Variants in GALNT13 observed in about 807,000 individuals in gnomAD.
GALNT13 encodes polypeptide N-acetylgalactosaminyltransferase 13.
Under a neutral mutation model 64.2 loss-of-function variants are expected in GALNT13, and 28 were observed. The ratio of observed to expected loss-of-function variants is 0.44; its 90% CI spans 0.32 to 0.60. The LOEUF (loss-of-function observed/expected upper bound fraction) is 0.60. Ranked by LOEUF, GALNT13 falls within the 20% of genes least tolerant of loss-of-function variation. The pLI is 0.05. For missense variants in GALNT13, 577 were observed against 669.8 expected (o/e 0.86, Z 1.53); for synonymous variants, 214 against 224.6 (o/e 0.95, Z 0.42).
chr2:153,696,932 G>A, the GALNT13 span, among the ~76,000 whole-genome samples: 1 of 152,106 alleles, frequency 6.6e-6, no homozygotes, highest in Non-Finnish European at 1.5e-5. Context: ...GCCACATTTT[G>A]CCAAGAAAAT....
chr2:154,396,041 G>A lies in GALNT13; in HGVS notation c.1207G>A (p.Glu403Lys), dbSNP rs187096566. The change falls in exon 10 of 13, where the codon GAA becomes AAA. Residue 403 changes from glutamate to lysine, a missense_variant. Glu to Lys is a moderately conservative substitution (Grantham distance 56, BLOSUM62 1). This residue lies in a region of GALNT13 where 232 missense variants were observed against 270.6 expected (regional missense o/e 0.86). Coordinates refer to ENST00000392825, the MANE Select transcript of GALNT13 (RefSeq NM_052917.4). ...GDVSVRKTLR[E>K]NLKCKPFSWY... ...TGTGTCAGTCAGAAAAACACTAAGA[G>A]AAAATCTGAAGTGTAAGCCCTTTTC... 4.3e-6 allele frequency: 7 copies of A among 1,610,828 alleles called. No homozygotes were observed. The Admixed American group carries it at 6.7e-5, about 15-fold the overall frequency.
the GALNT13 span, among the ~76,000 whole-genome samples, chr2:153,235,235 G>T: frequency 6.6e-6 from 1 of 152,100 alleles, no homozygotes; most frequent in Non-Finnish European, 1.5e-5. Context: ...TGTCCTCTAA[G>T]TATACTCAGT....
chr2:154,218,536 C>A (rs191767845), intron 4 of GALNT13, among the ~76,000 whole-genome samples: 1 of 152,032 alleles, frequency 6.6e-6, no homozygotes, highest in Non-Finnish European at 1.5e-5. Flanking sequence ...ATTACTCTAC[C>A]CACTGTAATC....
At chr2:154,005,884 TA>T (rs904844133) in intron 3 of GALNT13, among the ~76,000 whole-genome samples, 5 of 152,190 alleles carry the variant, frequency 3.3e-5, no homozygotes, top group African/African-American at 1.2e-4. Context: ...TTGGGTGCTT[TA>T]GAATTTTCCT....
At chr2:154,181,070 T>C (rs1685933749) in intron 4 of GALNT13, among the ~76,000 whole-genome samples, 1 of 152,204 alleles carries the variant, frequency 6.6e-6, no homozygotes, top group Non-Finnish European at 1.5e-5. Flanking sequence ...GGCCAACTGA[T>C]AGACTTGAAT....
At chr2:153,302,721 G>T in the GALNT13 span, among the ~76,000 whole-genome samples, 1 of 152,080 alleles carries the variant, frequency 6.6e-6, no homozygotes, top group Non-Finnish European at 1.5e-5. Flanking sequence ...ATTTTGAGTT[G>T]ATTTTTTTGT....
the GALNT13 span, among the ~76,000 whole-genome samples, chr2:153,634,271 T>C: frequency 6.6e-6 from 1 of 152,170 alleles, no homozygotes; most frequent in African/African-American, 2.4e-5. Flanking sequence ...ACTCTTACCT[T>C]TTATGTAACC....
chr2:153,399,419 T>C, the GALNT13 span, among the ~76,000 whole-genome samples: 9 of 152,176 alleles, frequency 5.9e-5, no homozygotes, highest in African/African-American at 2.2e-4. Flanking sequence ...TCTTTTTTAG[T>C]TCCATATGAA....
the GALNT13 span, among the ~76,000 whole-genome samples, chr2:153,846,177 A>G: frequency 3.3e-5 from 5 of 152,176 alleles, no homozygotes; most frequent in African/African-American, 9.6e-5. Context: ...AATACACGGA[A>G]AGGATAAATA....
At chr2:153,644,023 G>A in the GALNT13 span, among the ~76,000 whole-genome samples, 2 of 151,696 alleles carry the variant, frequency 1.3e-5, no homozygotes, top group African/African-American at 4.8e-5. Flanking sequence ...TAACTATCAC[G>A]ATTTCTTTTC....
chr2:153,434,536 A>T, the GALNT13 span, among the ~76,000 whole-genome samples: 5 of 152,136 alleles, frequency 3.3e-5, no homozygotes, highest in Non-Finnish European at 5.9e-5. Flanking sequence ...CTGGTGTGAG[A>T]TGGTATCTCA....
the GALNT13 span, among the ~76,000 whole-genome samples, chr2:153,529,218 GA>G: frequency 4.6e-5 from 7 of 151,902 alleles, no homozygotes; most frequent in Non-Finnish European, 1.0e-4. Flanking sequence ...AATCAGAGAT[GA>G]AAAAAGAGAC....
the GALNT13 span, among the ~76,000 whole-genome samples, chr2:153,677,284 T>TACATACAC: frequency 2.7e-3 from 390 of 144,750 alleles, 2 homozygotes; most frequent in East Asian, 7.8e-3. Context: ...ACAATAGACA[T>TACATACAC]ACACACACAC....
chr2:154,430,437 G>A (rs1018919485), intron 11 of GALNT13, among the ~76,000 whole-genome samples: 2 of 152,110 alleles, frequency 1.3e-5, no homozygotes, highest in Non-Finnish European at 2.9e-5. Context: ...AGTGGAGCCC[G>A]AAGACGTCAT....
chr2:154,314,585 C>T (rs1457384972), intron 9 of GALNT13, among the ~76,000 whole-genome samples: 1 of 152,132 alleles, frequency 6.6e-6, no homozygotes, highest in Non-Finnish European at 1.5e-5. Flanking sequence ...GGGGCTCAGG[C>T]TGCTTCCACT....
chr2:153,542,280 A>G, the GALNT13 span, among the ~76,000 whole-genome samples: 3 of 151,638 alleles, frequency 2.0e-5, no homozygotes, highest in Non-Finnish European at 4.4e-5. Flanking sequence ...AGATCATGCC[A>G]TTGCACTCCA....
chr2:153,756,241 T>C, the GALNT13 span, among the ~76,000 whole-genome samples: 1 of 152,110 alleles, frequency 6.6e-6, no homozygotes, highest in Non-Finnish European at 1.5e-5. Context: ...TAATATCTTT[T>C]GTGGAAAAGT....
chr2:154,409,583 G>C, intron 11 of GALNT13, among the ~76,000 whole-genome samples: 1 of 151,966 alleles, frequency 6.6e-6, no homozygotes, highest in East Asian at 1.9e-4. Flanking sequence ...AAGAGTTCTT[G>C]TGCTCTTCTT....
the GALNT13 span, among the ~76,000 whole-genome samples, chr2:153,668,629 C>A: frequency 1.3e-5 from 2 of 152,068 alleles, no homozygotes; most frequent in East Asian, 3.9e-4. Flanking sequence ...AGCTGGGAAC[C>A]AAGCACAGGG....
Sources: allele counts gnomAD v4.1 joint callset (sites outside exome capture counted in the v4.1 genomes callset), GRCh38; gene constraint gnomAD v4.1.1; regional missense constraint gnomAD v4.1.1; transcripts MANE v1.5; gene names NCBI Gene and HGNC (gene_info 2026-07-23, HGNC 2026-07-21).